The following SYT16 variants were observed in gnomAD, a reference collection of about 807,000 sequenced individuals.
SYT16 encodes synaptotagmin 16.
A neutral mutation model predicts 61.4 loss-of-function variants in SYT16; 42 were observed. The ratio of observed to expected loss-of-function variants is 0.68; its 90% confidence interval spans 0.53 to 0.89. The LOEUF is 0.89. Among genes scored for constraint, SYT16 ranks in the 40% least tolerant of loss-of-function variants. The pLI is 0.00. For missense variants in SYT16, 804 were observed against 807.3 expected, an observed-to-expected ratio of 1.00 and a Z score of 0.05; for synonymous variants, 314 against 302.3, an observed-to-expected ratio of 1.04 and a Z score of -0.40.
intron 3 of SYT16, among the ~76,000 whole-genome samples, chr14:62,019,897 C>T (rs994295061): frequency 1.3e-5 from 2 of 152,186 alleles, no homozygotes; most frequent in African/African-American, 4.8e-5. Flanking sequence ...GGTGGCCTGA[C>T]CACAATCCCA....
At chr14:61,983,248 C>G (rs1359978159) in intron 2 of SYT16, among the ~76,000 whole-genome samples, 1 of 152,110 alleles carries the variant, frequency 6.6e-6, no homozygotes, top group Non-Finnish European at 1.5e-5. Flanking sequence ...AAAGAAAGAG[C>G]ATGTCTGTGT....
chr14:61,999,598 C>T (rs1010469793), intron 3 of SYT16, among the ~76,000 whole-genome samples: 1 of 151,386 alleles, frequency 6.6e-6, no homozygotes, highest in African/African-American at 2.4e-5. Context: ...TATTGTTTTT[C>T]TGTTCTTGAG....
Position 62,091,885 on chromosome 14 carries a change from A to G in SYT16, c.1624+7500A>G, listed in dbSNP as rs144716482. 3.2e-3 allele frequency among the ~76,000 whole-genome samples: 484 copies of G among 152,302 alleles called. 4 individuals are homozygous for G. Among genetic ancestry groups the G allele is most frequent in the African/African-American group, 0.011 (466 of 41,570 alleles). The stretch of plus-strand genomic sequence containing the variant: ...TCATGTAAGTTCAAAAATTTTGTGC[A>G]TCAAAAGATAATAGAGTAAACAGAC... On this transcript the variant is annotated intron_variant, in intron 7 of 7. Transcript: ENST00000683842.
chr14:62,094,572 C>T (rs2057201237), intron 7 of SYT16, among the ~76,000 whole-genome samples: 3 of 152,072 alleles, frequency 2.0e-5, no homozygotes, highest in Non-Finnish European at 1.5e-5. Context: ...TATTCATTAC[C>T]TGATACCCAA....
chr14:61,985,934 G>T (rs1595084441), intron 2 of SYT16, among the ~76,000 whole-genome samples: 1 of 152,254 alleles, frequency 6.6e-6, no homozygotes, highest in East Asian at 1.9e-4. Flanking sequence ...CAAGTCCAAT[G>T]GAGGTGGCTA....
chr14:61,905,208 T>G (rs1401883750), intron 1 of SYT16, among the ~76,000 whole-genome samples: 1 of 152,212 alleles, frequency 6.6e-6, no homozygotes, highest in African/African-American at 2.4e-5. Context: ...TCTAAACCAT[T>G]CTTTTAGCTT....
chr14:62,050,502 C>T (rs2055225540), intron 3 of SYT16, among the ~76,000 whole-genome samples: 1 of 152,192 alleles, frequency 6.6e-6, no homozygotes, highest in Admixed American at 6.5e-5. Context: ...CAGCTTTGTT[C>T]TGTTGCTGGT....
intron 1 of SYT16, among the ~76,000 whole-genome samples, chr14:61,858,120 C>CAAAAAAAAA (rs34781118): frequency 1.4e-4 from 6 of 43,214 alleles, no homozygotes; most frequent in South Asian, 1.1e-3. Context: ...CACAGCTTGG[C>CAAAAAAAAA]AAAAAAAAAA....
chr14:61,923,318 A>T (rs2049412004), intron 1 of SYT16, among the ~76,000 whole-genome samples: 1 of 152,198 alleles, frequency 6.6e-6, no homozygotes, highest in Non-Finnish European at 1.5e-5. Flanking sequence ...AATGGCAATG[A>T]TGAAGACTAC....
chr14:61,897,811 G>A (rs1202209248), intron 1 of SYT16, among the ~76,000 whole-genome samples: 2 of 152,090 alleles, frequency 1.3e-5, no homozygotes, highest in Non-Finnish European at 2.9e-5. Flanking sequence ...CTCAGGGACT[G>A]GGTCAGAGCT....
At chr14:61,857,172 A>G (rs2046800972) in intron 1 of SYT16, among the ~76,000 whole-genome samples, 2 of 152,150 alleles carry the variant, frequency 1.3e-5, no homozygotes, top group African/African-American at 4.8e-5. Context: ...TGAGACATCT[A>G]AGAAGGATGT....
intron 1 of SYT16, among the ~76,000 whole-genome samples, chr14:61,963,405 T>C (rs117852417): frequency 0.044 from 6,763 of 152,258 alleles, 185 homozygotes; most frequent in African/African-American, 0.081. Flanking sequence ...AACAGCCTTA[T>C]TGCTGATATG....
At chr14:62,058,692 T>C (rs1046233770) in intron 3 of SYT16, among the ~76,000 whole-genome samples, 1 of 152,074 alleles carries the variant, frequency 6.6e-6, no homozygotes, top group Admixed American at 6.5e-5. Flanking sequence ...CCAAATAGTG[T>C]TCAAAAGTAG....
chr14:61,976,051 G>A (rs914931288), intron 2 of SYT16, among the ~76,000 whole-genome samples: 4 of 152,188 alleles, frequency 2.6e-5, no homozygotes, highest in African/African-American at 9.6e-5. Flanking sequence ...GGAGAAATTG[G>A]CCAAAACAAA....
chr14:61,872,199 C>G (rs2047352107), intron 1 of SYT16, among the ~76,000 whole-genome samples: 1 of 151,968 alleles, frequency 6.6e-6, no homozygotes, highest in South Asian at 2.1e-4. Context: ...TACTCATAAA[C>G]TCTTCCCTTA....
intron 3 of SYT16, among the ~76,000 whole-genome samples, chr14:62,025,824 A>C (rs1566775538): frequency 6.6e-6 from 1 of 151,948 alleles, no homozygotes. Flanking sequence ...AAGGCAGTTG[A>C]CTTTTGAATA....
In SYT16 at chr14:62,069,732, A is replaced by G. The variant is rs4902099; in HGVS notation, c.653A>G (p.Gln218Arg). The part of the protein sequence containing the change: ...FRSVTSEKGK[Q>R]TGLEQKPKFS... ...TCAGTGACATCTGAGAAAGGAAAGC[A>G]GACAGGATTGGAGCAGAAACCAAAA... Residue 218 changes from glutamine (Q) to arginine (R), a missense_variant, in exon 4 of 8, where the codon CAG becomes CGG. Coordinates refer to ENST00000683842, the MANE Select transcript of SYT16 (RefSeq NM_001367656.1). 2 of 1,614,038 alleles carry G rather than the reference A, an allele frequency of 1.2e-6. No individual in the cohort carries two copies. Among genetic ancestry groups the G allele is most frequent in the Admixed American group, 1.7e-5 (1 of 60,034 alleles).
chr14:61,839,760 C>T (rs67523205), intron 1 of SYT16, among the ~76,000 whole-genome samples: 24,242 of 152,104 alleles, frequency 0.16, 2,172 homozygotes, highest in African/African-American at 0.25. Flanking sequence ...AATCACAGTC[C>T]ATTTTCTGTT....
At chr14:62,039,193 A>G (rs371851987) in intron 3 of SYT16, among the ~76,000 whole-genome samples, 18 of 152,322 alleles carry the variant, frequency 1.2e-4, no homozygotes, top group African/African-American at 4.3e-4. Flanking sequence ...AATTCAGCTA[A>G]TGCTTTCAGT....
Sources: allele counts gnomAD v4.1 joint callset (sites outside exome capture counted in the v4.1 genomes callset), GRCh38; gene constraint gnomAD v4.1.1; transcripts MANE v1.5; gene names NCBI Gene and HGNC (gene_info 2026-07-23, HGNC 2026-07-21).